Variants in FBXO36 observed in about 807,000 individuals in gnomAD.
FBXO36 encodes the protein F-box only protein 36.
Under a neutral mutation model 17.0 loss-of-function variants are expected in FBXO36, and 18 were observed. The ratio of observed to expected loss-of-function variants is 1.06; its 90% CI spans 0.73 to 1.57. The LOEUF is 1.57. Among genes scored for constraint, FBXO36 ranks in the 40% most tolerant of loss-of-function variants. FBXO36 has a pLI of 0.00. For synonymous variants in FBXO36, 83 were observed against 85.3 expected (o/e 0.97, Z 0.15); for missense variants, 229 against 221.9 (o/e 1.03, Z -0.20).
intron 1 of FBXO36, among the ~76,000 whole-genome samples, chr2:229,942,132 AG>A (rs2077002793): frequency 6.6e-6 from 1 of 152,074 alleles, no homozygotes; most frequent in South Asian, 2.1e-4. Flanking sequence ...GACTTTTAGG[AG>A]GTTTCTTTAA....
intron 1 of FBXO36, among the ~76,000 whole-genome samples, chr2:229,965,978 A>G (rs966996855): frequency 3.3e-5 from 5 of 152,194 alleles, no homozygotes; most frequent in African/African-American, 1.2e-4. Context: ...TGGTTGAACT[A>G]GTTTACAGTC....
Position 230,010,545 on chromosome 2 carries a change from T to C in FBXO36, c.379-151T>C, listed in dbSNP as rs1261100073. ...ATATATGTGCACTTACATATTTGTGTCTGGCTGTTTTCCTCAAAGAGGAGG... is the reference window on the plus strand; with the variant it reads ...ATATATGTGCACTTACATATTTGTGCCTGGCTGTTTTCCTCAAAGAGGAGG... On this transcript the variant is annotated intron_variant, in intron 3 of 3. Transcript: ENST00000283946. 5 of 618,708 alleles carry C rather than the reference T, an allele frequency of 8.1e-6. No individual in the cohort carries two copies. The African/African-American group carries it at 9.2e-5, about 11-fold the overall frequency. The allele number at this position is 618,708 out of a possible 1,614,324, so 38.3% of individuals were successfully genotyped here. A position where few individuals can be genotyped will look rare whatever the true frequency, so the allele number is the denominator to read the frequency against.
At chr2:229,950,509 T>C (rs576616977) in intron 1 of FBXO36, among the ~76,000 whole-genome samples, 2 of 152,218 alleles carry the variant, frequency 1.3e-5, no homozygotes, top group African/African-American at 4.8e-5. Flanking sequence ...ATGTGAGGTA[T>C]GGAGGTAAAG....
intron 2 of FBXO36, among the ~76,000 whole-genome samples, chr2:229,980,128 A>G (rs942980838): frequency 2.0e-5 from 3 of 151,894 alleles, no homozygotes; most frequent in Admixed American, 2.0e-4. Flanking sequence ...GCTCACTGCA[A>G]CCTCCACCTC....
intron 1 of FBXO36, among the ~76,000 whole-genome samples, chr2:229,931,568 T>C (rs899669966): frequency 1.3e-5 from 2 of 152,192 alleles, no homozygotes; most frequent in African/African-American, 2.4e-5. Flanking sequence ...ACGACCGGCA[T>C]GTTGGCTCAC....
At chr2:229,930,678 G>A (rs529662845) in intron 1 of FBXO36, among the ~76,000 whole-genome samples, 3 of 152,130 alleles carry the variant, frequency 2.0e-5, no homozygotes, top group Non-Finnish European at 2.9e-5. Context: ...TTGAACTTGG[G>A]AGGCAACAGT....
At chr2:229,928,831 G>A (rs1435507283) in intron 1 of FBXO36, among the ~76,000 whole-genome samples, 1 of 152,010 alleles carries the variant, frequency 6.6e-6, no homozygotes. Flanking sequence ...GGTGCAGTCA[G>A]CTCACTGCAG....
At chr2:229,994,658 A>C (rs753321324) in intron 2 of FBXO36, among the ~76,000 whole-genome samples, 7 of 152,314 alleles carry the variant, frequency 4.6e-5, no homozygotes, top group Non-Finnish European at 1.0e-4. Context: ...AGTGAATCTA[A>C]GAGAGTGCAC....
intron 1 of FBXO36, among the ~76,000 whole-genome samples, chr2:229,924,667 G>A (rs920590949): frequency 2.0e-5 from 3 of 151,932 alleles, no homozygotes; most frequent in Non-Finnish European, 4.4e-5. Context: ...ATCCTTAGGA[G>A]TGCTCCCTGG....
chr2:229,992,525 C>T (rs1217077737), intron 2 of FBXO36, among the ~76,000 whole-genome samples: 2 of 152,122 alleles, frequency 1.3e-5, no homozygotes, highest in Non-Finnish European at 2.9e-5. Context: ...ATGGTTTCTT[C>T]TTGGCTCTTC....
chr2:230,000,233 C>A (rs545495092), intron 3 of FBXO36, among the ~76,000 whole-genome samples: 109 of 151,764 alleles, frequency 7.2e-4, no homozygotes, highest in African/African-American at 2.5e-3. Flanking sequence ...TGGCACAGGC[C>A]TGTAATCCCA....
intron 3 of FBXO36, among the ~76,000 whole-genome samples, chr2:229,997,551 C>A (rs1165777466): frequency 2.0e-5 from 3 of 149,270 alleles, no homozygotes; most frequent in Non-Finnish European, 4.4e-5. Flanking sequence ...GAACTCCAGC[C>A]TGGGTGACAG....
At chr2:229,958,257 C>CT (rs1161188534) in intron 1 of FBXO36, among the ~76,000 whole-genome samples, 3,334 of 78,700 alleles carry the variant, frequency 0.042, 896 homozygotes, top group Non-Finnish European at 0.055. Flanking sequence ...CTCTGACTTT[C>CT]TTTTTTTTTT....
intron 1 of FBXO36, among the ~76,000 whole-genome samples, chr2:229,963,695 C>T (rs1437206275): frequency 1.3e-5 from 2 of 152,078 alleles, no homozygotes; most frequent in African/African-American, 2.4e-5. Context: ...CTACCCGCCT[C>T]GGCCTCCCAA....
At chr2:229,951,692 T>C (rs2077058687) in intron 1 of FBXO36, among the ~76,000 whole-genome samples, 2 of 152,152 alleles carry the variant, frequency 1.3e-5, no homozygotes, top group African/African-American at 4.8e-5. Context: ...ATGGGGCATT[T>C]AGAAGAAGTG....
intron 1 of FBXO36, among the ~76,000 whole-genome samples, chr2:229,940,521 T>C (rs964125149): frequency 6.6e-6 from 1 of 152,162 alleles, no homozygotes; most frequent in Non-Finnish European, 1.5e-5. Flanking sequence ...AAAAAGATAG[T>C]TGGAAGTCCT....
intron 1 of FBXO36, among the ~76,000 whole-genome samples, chr2:229,949,940 A>AG (rs781644007): frequency 3.3e-5 from 5 of 152,108 alleles, no homozygotes; most frequent in Non-Finnish European, 7.4e-5. Context: ...AAAAACAAAA[A>AG]CAAAAACTTG....
At chr2:229,936,054 G>A (rs772541979) in intron 1 of FBXO36, among the ~76,000 whole-genome samples, 5 of 152,164 alleles carry the variant, frequency 3.3e-5, no homozygotes, top group Non-Finnish European at 7.3e-5. Context: ...TGGGTGTGGT[G>A]GTGGACGCTT....
chr2:229,940,736 C>G (rs1487841707), intron 1 of FBXO36, among the ~76,000 whole-genome samples: 1 of 152,138 alleles, frequency 6.6e-6, no homozygotes, highest in Non-Finnish European at 1.5e-5. Context: ...AGATTTTCAG[C>G]AAACTAGCAG....
Sources: gnomAD v4.1 joint callset for allele counts (sites outside exome capture counted in the v4.1 genomes callset) on GRCh38, gnomAD v4.1.1 for gene constraint, MANE v1.5 for transcripts, NCBI Gene and HGNC (gene_info 2026-07-23, HGNC 2026-07-21) for gene names.